SARNP: variants seen among roughly 807,000 people sequenced by gnomAD.
The protein encoded by SARNP is SAP domain-containing ribonucleoprotein.
SARNP carries 5 observed loss-of-function variants against 38.1 expected under a neutral mutation model. The observed-to-expected ratio is 0.13, with a 90% confidence interval of 0.07 to 0.28. The LOEUF (loss-of-function observed/expected upper bound fraction) is 0.28, where lower values mean the gene tolerates loss of function less well. SARNP is among the 10% of genes least tolerant of loss of function. The probability of loss-of-function intolerance (pLI) is 1.00; values close to 1 mark genes in which losing one functional copy is unlikely to be tolerated. For missense variants in SARNP, 180 were observed against 243.9 expected (o/e 0.74, Z 1.75); for synonymous variants, 84 against 80.6 (o/e 1.04, Z -0.23).
Position 55,772,396 on chromosome 12 carries a change from G to C in SARNP, c.502-11756C>G, listed in dbSNP as rs535661608. Among the ~76,000 whole-genome samples, 3 of 152,242 alleles carry C rather than the reference G, an allele frequency of 2.0e-5. No homozygotes were observed. In the East Asian group the frequency reaches 5.8e-4, roughly 29 times the overall value. On this transcript the variant is annotated intron_variant, in intron 9 of 10. Transcript: ENST00000336133. The stretch of plus-strand genomic sequence containing the variant: ...TATCTTCACAGGATTTGAAGCCCAA[G>C]AACACAGTCAGCTCAGAACCACTCA...
intron 9 of SARNP, among the ~76,000 whole-genome samples, chr12:55,767,674 C>T (rs1487123862): frequency 1.3e-5 from 2 of 151,388 alleles, no homozygotes. Flanking sequence ...GGTGAAACCC[C>T]GTCTCTACTA....
intron 9 of SARNP, among the ~76,000 whole-genome samples, chr12:55,771,068 G>C (rs1345090526): frequency 1.3e-5 from 2 of 151,820 alleles, no homozygotes; most frequent in African/African-American, 4.8e-5. Flanking sequence ...CTCCCAAGTA[G>C]CTGGGATTAC....
At chr12:55,810,211 C>A (rs1420966981) in intron 1 of SARNP, among the ~76,000 whole-genome samples, 1 of 152,210 alleles carries the variant, frequency 6.6e-6, no homozygotes, top group Non-Finnish European at 1.5e-5. Flanking sequence ...CTCCTGGGTT[C>A]AAATGATCCT....
chr12:55,765,775 A>G (rs1213257997), intron 9 of SARNP, among the ~76,000 whole-genome samples: 3 of 152,028 alleles, frequency 2.0e-5, no homozygotes, highest in Non-Finnish European at 2.9e-5. Context: ...CTCCACAAAT[A>G]GCCTGCTCTT....
chr12:55,762,258 G>A (rs1340947666), intron 9 of SARNP, among the ~76,000 whole-genome samples: 1 of 151,952 alleles, frequency 6.6e-6, no homozygotes, highest in Non-Finnish European at 1.5e-5. Flanking sequence ...TTGCAGTCCA[G>A]CCTGGGTAGA....
chr12:55,815,997 T>C (rs1193217485), intron 1 of SARNP: 5 of 152,242 alleles, frequency 3.3e-5, no homozygotes. Context: ...TTTTAGGCTG[T>C]CAGGAGTGCC....
At chr12:55,791,381 AACT>A (rs1337446361) in intron 7 of SARNP, among the ~76,000 whole-genome samples, 3 of 152,256 alleles carry the variant, frequency 2.0e-5, no homozygotes, top group Non-Finnish European at 2.9e-5. Context: ...GACAAACAAG[AACT>A]ACTATCATGA....
chr12:55,777,246 T>C (rs892232704), intron 9 of SARNP, among the ~76,000 whole-genome samples: 1 of 152,178 alleles, frequency 6.6e-6, no homozygotes. Flanking sequence ...TAGGGAAGTC[T>C]AAACATCTAA....
Position 55,803,610 on chromosome 12 carries a change from G to A in SARNP, c.136+19C>T, listed in dbSNP as rs116403955. On this transcript the variant is annotated intron_variant, in intron 2 of 10. Transcript: ENST00000336133. ...AAAATCCCCTCACTCACATCACTCC[G>A]CCTCCACAAAGTACTCACCATGTTC... The A allele has an allele frequency of 3.6e-4, 530 of 1,475,098 alleles. 4 individuals carry two copies. The African/African-American group carries it at 6.1e-3, about 17-fold the overall frequency. 91.4% of individuals were successfully genotyped at this position (1,475,098 alleles called of 1,614,324 possible).
At chr12:55,800,540 A>T in intron 4 of SARNP, 22 bp downstream of exon 4, 3 of 1,518,396 alleles carry the variant, frequency 2.0e-6, no homozygotes, top group Non-Finnish European at 2.7e-6. Flanking sequence ...CTGTACTCAG[A>T]TTATAAAAAA....
intron 9 of SARNP, among the ~76,000 whole-genome samples, chr12:55,785,731 G>A (rs1879471535): frequency 6.6e-6 from 1 of 150,400 alleles, no homozygotes. Flanking sequence ...AGCTGAGATC[G>A]CACCATTGCA....
At chr12:55,777,623 C>G (rs1879221226) in intron 9 of SARNP, among the ~76,000 whole-genome samples, 1 of 152,156 alleles carries the variant, frequency 6.6e-6, no homozygotes. Context: ...ATCCACCTGC[C>G]TCGGCCTCCC....
intron 2 of SARNP, among the ~76,000 whole-genome samples, chr12:55,802,847 C>T (rs893395145): frequency 4.7e-5 from 7 of 150,366 alleles, no homozygotes; most frequent in Non-Finnish European, 8.9e-5. Context: ...GTGTGGTTAT[C>T]CATCATTGAA....
chr12:55,766,948 C>T (rs1878856109), intron 9 of SARNP, among the ~76,000 whole-genome samples: 1 of 152,104 alleles, frequency 6.6e-6, no homozygotes, highest in African/African-American at 2.4e-5. Context: ...CCATGCCCAG[C>T]CCCAGGGTCT....
At chr12:55,807,350 T>C (rs927483764) in intron 1 of SARNP, among the ~76,000 whole-genome samples, 1 of 152,100 alleles carries the variant, frequency 6.6e-6, no homozygotes, top group African/African-American at 2.4e-5. Context: ...TTAAGTAACA[T>C]TATAAGTGAT....
chr12:55,765,604 A>C (rs1419476998), intron 9 of SARNP, among the ~76,000 whole-genome samples: 1 of 151,882 alleles, frequency 6.6e-6, no homozygotes. Flanking sequence ...CTCGCCTCCC[A>C]AAGTGCTGGG....
rs1301399079 is a variant in SARNP, at chr12:55,757,510, C to T, written c.*2G>A. ...AGAACAGAAAGTATCAGGAACTTTT[C>T]ATCAGGCAATCCCAAAGCGCTCTGC... On this transcript the variant is annotated 3_prime_UTR_variant, in exon 11 of 11. Transcript: ENST00000336133. The T allele has an allele frequency of 6.2e-7, 1 of 1,605,706 alleles. No individual in the cohort carries two copies. The highest frequency in any genetic ancestry group is 8.5e-7 in the Non-Finnish European group (1 of 1,177,794).
chr12:55,774,884 T>G (rs911426263), intron 9 of SARNP, among the ~76,000 whole-genome samples: 3 of 87,866 alleles, frequency 3.4e-5, no homozygotes, highest in South Asian at 3.3e-4. Flanking sequence ...TTTCTATTTG[T>G]TTTTTTTTTT....
chr12:55,804,641 T>C (rs1210091523), intron 1 of SARNP, among the ~76,000 whole-genome samples: 1 of 152,094 alleles, frequency 6.6e-6, no homozygotes, highest in African/African-American at 2.4e-5. Flanking sequence ...AAGTCATAGG[T>C]AACTGAAATA....
Sources: gnomAD v4.1 joint callset for allele counts (sites outside exome capture counted in the v4.1 genomes callset) on GRCh38, gnomAD v4.1.1 for gene constraint, MANE v1.5 for transcripts, NCBI Gene and HGNC (gene_info 2026-07-23, HGNC 2026-07-21) for gene names.